The following SLC25A28 variants were observed in gnomAD, a reference collection of about 807,000 sequenced individuals.
The protein encoded by SLC25A28 is solute carrier family 25 member 28, also known as mitoferrin-2.
Under a neutral mutation model 31.9 loss-of-function variants are expected in SLC25A28, and 10 were observed. That is an observed-to-expected ratio of 0.31 (90% confidence interval 0.19 to 0.53). SLC25A28 has a LOEUF of 0.53. SLC25A28 is among the 20% of genes least tolerant of loss of function. The pLI, the probability that SLC25A28 is intolerant of heterozygous loss-of-function variation, is 0.95. For synonymous variants in SLC25A28, 208 were observed against 203.6 expected (o/e 1.02, Z -0.19); for missense variants, 256 against 490.3 (o/e 0.52, Z 4.51).
chr10:99,643,132 G>A, the SLC25A28 span, among the ~76,000 whole-genome samples: 1 of 152,102 alleles, frequency 6.6e-6, no homozygotes, highest in Non-Finnish European at 1.5e-5. Flanking sequence ...AATAGTTTCA[G>A]AAGGAATGGT....
At chr10:99,634,712 A>G in the SLC25A28 span, among the ~76,000 whole-genome samples, 1 of 152,244 alleles carries the variant, frequency 6.6e-6, no homozygotes, top group South Asian at 2.1e-4. Flanking sequence ...AAGTTTGGAA[A>G]ACATATTTGG....
Position 99,620,111 on chromosome 10 carries a change from G to C in SLC25A28, c.225C>G (p.His75Gln). Residue 75 changes from histidine to glutamine, a missense_variant, in exon 1 of 4, where the codon CAC becomes CAG. His to Gln is a conservative substitution (Grantham distance 24, BLOSUM62 0). This residue lies in a region of SLC25A28 where 41 missense variants were observed against 41.7 expected (regional missense o/e 0.98). Transcript: ENST00000370495. ...TCCCTGCCACGGCGCCTGCCACCAT[G>C]TGCGTGGTGACAGTGGCTCCAGCCG... ...ALPAGATVTT[H>Q]MVAGAVAGIL... The C allele has an allele frequency of 6.3e-7, 1 of 1,585,184 alleles. No individual in the cohort carries two copies. Among genetic ancestry groups the C allele is most frequent in the Non-Finnish European group, 8.5e-7 (1 of 1,173,266 alleles).
chr10:99,618,246 A>G, intron 1 of SLC25A28: 1 of 971,048 alleles, frequency 1.0e-6, no homozygotes, highest in Non-Finnish European at 1.2e-6. Context: ...TATATGGAGT[A>G]AGGAGATAAC....
chr10:99,649,313 G>A, the SLC25A28 span, among the ~76,000 whole-genome samples: 1 of 152,068 alleles, frequency 6.6e-6, no homozygotes, highest in African/African-American at 2.4e-5. Context: ...ACCTGATCAT[G>A]GTGTATTATC....
chr10:99,616,800 AG>A (rs770357166), intron 1 of SLC25A28: 1 of 954,722 alleles, frequency 1.0e-6, no homozygotes, highest in Non-Finnish European at 1.2e-6. Flanking sequence ...ACCTTGGACA[AG>A]TTATATAACT....
At chr10:99,647,909 G>GACCCTA in the SLC25A28 span, among the ~76,000 whole-genome samples, 3 of 152,190 alleles carry the variant, frequency 2.0e-5, no homozygotes, top group East Asian at 5.8e-4. Flanking sequence ...GTTGAATAGG[G>GACCCTA]TGTCCTTTCC....
the SLC25A28 span, among the ~76,000 whole-genome samples, chr10:99,631,904 T>C: frequency 7.5e-6 from 1 of 133,342 alleles, no homozygotes; most frequent in East Asian, 2.1e-4. Context: ...TTTTTTTTTT[T>C]TTTGAGACGG....
chr10:99,653,923 A>G, the SLC25A28 span: 1 of 152,254 alleles, frequency 6.6e-6, no homozygotes, highest in Non-Finnish European at 1.5e-5. Flanking sequence ...AAGTAGATAT[A>G]GGCAAAGTAC....
At chr10:99,628,695 C>A in the SLC25A28 span, among the ~76,000 whole-genome samples, 6 of 152,136 alleles carry the variant, frequency 3.9e-5, no homozygotes, top group Non-Finnish European at 7.3e-5. Context: ...GTGGCACATG[C>A]CTATAATCCC....
chr10:99,641,386 A>G, the SLC25A28 span, among the ~76,000 whole-genome samples: 2 of 152,082 alleles, frequency 1.3e-5, no homozygotes, highest in African/African-American at 2.4e-5. Context: ...GTCTGTTCAT[A>G]TCCTTCGCCC....
the SLC25A28 span, among the ~76,000 whole-genome samples, chr10:99,640,253 C>T: frequency 6.6e-6 from 1 of 152,124 alleles, no homozygotes; most frequent in Non-Finnish European, 1.5e-5. Context: ...ATATAATTGG[C>T]TAAGGCTACA....
At chr10:99,625,360 T>C (rs2034865555), upstream of SLC25A28, among the ~76,000 whole-genome samples, 1 of 151,960 alleles carries the variant, frequency 6.6e-6, no homozygotes, top group African/African-American at 2.4e-5. Context: ...AGAGCATTGA[T>C]TGGTCCATTT....
chr10:99,624,279 G>A (rs966486035), upstream of SLC25A28, among the ~76,000 whole-genome samples: 2 of 141,360 alleles, frequency 1.4e-5, no homozygotes, highest in African/African-American at 2.7e-5. Flanking sequence ...TTCTTTTGTA[G>A]AGACAGGGTC....
the SLC25A28 span, among the ~76,000 whole-genome samples, chr10:99,653,609 C>T: frequency 6.6e-6 from 1 of 152,134 alleles, no homozygotes; most frequent in Non-Finnish European, 1.5e-5. Context: ...TCTCATGGGC[C>T]GTTTTCTTCC....
rs912084680 is a variant in SLC25A28 at position 99,610,658 on chromosome 10, A to C, written c.*191T>G. 1 of 640,524 alleles carries C rather than the reference A, an allele frequency of 1.6e-6. No individual in the cohort carries two copies. The highest frequency in any genetic ancestry group is 2.8e-5 in the East Asian group (1 of 36,328). 39.7% of individuals were successfully genotyped at this position (640,524 alleles called of 1,614,324 possible). ...GTGGTGTGCTTTGCTGCACGTGCTT[A>C]GGGCCTGGAAGGAAAGGTGGTGGCA... On this transcript the variant is annotated 3_prime_UTR_variant, in exon 4 of 4. Transcript: ENST00000370495.
At chr10:99,650,687 C>T in the SLC25A28 span, among the ~76,000 whole-genome samples, 5 of 151,730 alleles carry the variant, frequency 3.3e-5, no homozygotes, top group East Asian at 3.9e-4. Flanking sequence ...GTCTTAGATA[C>T]GTATAGGAAA....
rs2034756704 is a variant in SLC25A28 at position 99,620,267 on chromosome 10, G to A, written c.69C>T (p.Pro23=). The A allele has an allele frequency of 2.6e-6, 3 of 1,132,944 alleles. No individual in the cohort carries two copies. The highest frequency in any genetic ancestry group is 4.7e-5 in the African/African-American group (2 of 42,206). The allele number at this position is 1,132,944 out of a possible 1,614,324, so 70.2% of individuals were successfully genotyped here. A position where few individuals can be genotyped will look rare whatever the true frequency, so the allele number is the denominator to read the frequency against. The change falls in exon 1 of 4, where the codon CCC becomes CCT. Residue 23 remains proline, a synonymous_variant. Coordinates refer to ENST00000370495, the MANE Select transcript of SLC25A28 (RefSeq NM_031212.4). The part of the protein sequence containing the change: ...GGPAAGPGRS[P]GESALLDGWL... ...ACCCGTCCAGCAGCGCCGACTCCCC[G>A]GGGCTCCGCCCGGGCCCTGCCGCCG...
At chr10:99,646,342 C>T in the SLC25A28 span, among the ~76,000 whole-genome samples, 46 of 152,332 alleles carry the variant, frequency 3.0e-4, no homozygotes, top group Middle Eastern at 3.4e-3. Context: ...GCTCTGTGGG[C>T]GTGGGACCCT....
rs926876825 is a variant in SLC25A28, at chr10:99,611,772, A to G, written c.578-406T>C. Among the ~76,000 whole-genome samples the G allele has an allele frequency of 3.7e-4, 56 of 152,220 alleles. No homozygotes were observed. Among genetic ancestry groups the G allele is most frequent in the Admixed American group, 2.0e-3 (31 of 15,286 alleles). On this transcript the variant is annotated intron_variant, in intron 3 of 3. Transcript: ENST00000370495. This position sits in a 1 kb window ranked among gnomAD's most constrained non-coding sequence, Gnocchi z 5.5. Reference sequence around the variant, plus strand: ...CCCCTAACAATCCCAATCCTCGCATACAAAGAGCACCTAACTTTTAAAATG... The same window carrying G: ...CCCCTAACAATCCCAATCCTCGCATGCAAAGAGCACCTAACTTTTAAAATG...
Sources: gnomAD v4.1 joint callset for allele counts (sites outside exome capture counted in the v4.1 genomes callset) on GRCh38, gnomAD v4.1.1 for gene constraint, gnomAD v4.1.1 regional missense constraint, Gnocchi (gnomAD v3.1) non-coding constraint, MANE v1.5 for transcripts, NCBI Gene and HGNC (gene_info 2026-07-23, HGNC 2026-07-21) for gene names.